Variants in SEPTIN10 observed in about 807,000 individuals in gnomAD.
SEPTIN10 encodes the protein septin-10.
In SEPTIN10, 66 loss-of-function variants were observed where a neutral mutation model predicts 54.8. The observed-to-expected ratio is 1.21, with a 90% CI of 0.99 to 1.48. The LOEUF (loss-of-function observed/expected upper bound fraction) is 1.48. SEPTIN10 is among the 40% of genes most tolerant of loss of function. The probability of loss-of-function intolerance (pLI) is 0.00; values close to 1 mark genes in which losing one functional copy is unlikely to be tolerated. For synonymous variants in SEPTIN10, 161 were observed against 181.0 expected, an observed-to-expected ratio of 0.89 and a Z score of 0.89; for missense variants, 620 against 545.6, an observed-to-expected ratio of 1.14 and a Z score of -1.36.
intron 6 of SEPTIN10, among the ~76,000 whole-genome samples, chr2:109,566,987 A>T (rs1351612193): frequency 6.6e-6 from 1 of 152,230 alleles, no homozygotes; most frequent in Non-Finnish European, 1.5e-5. Flanking sequence ...AACATATAGG[A>T]ATTAAGATCA....
intron 1 of SEPTIN10, 66 bp downstream of exon 1, chr2:109,613,732 G>T: frequency 1.8e-6 from 2 of 1,082,786 alleles, no homozygotes; most frequent in South Asian, 4.6e-5. Flanking sequence ...CCGGTGGGTC[G>T]AGGGCGGGAA....
rs78353540 is a variant in SEPTIN10 at position 109,576,080 on chromosome 2, C to T, written c.414-1313G>A. 7.5e-3 allele frequency among the ~76,000 whole-genome samples: 1,141 copies of T among 152,012 alleles called. 16 individuals are homozygous for T. Among genetic ancestry groups the T allele is most frequent in the Middle Eastern group, 0.02 (6 of 294 alleles). The stretch of plus-strand genomic sequence containing the variant: ...AAGAACAGCCTGGACAACAACACAG[C>T]GAGACCCCCATCTCTACTAAAAAAC... On this transcript the variant is annotated intron_variant, in intron 4 of 10. Coordinates refer to ENST00000397712, the MANE Select transcript of SEPTIN10 (RefSeq NM_144710.5).
At chr2:109,594,293 G>A (rs1252852972) in intron 1 of SEPTIN10, among the ~76,000 whole-genome samples, 1 of 152,018 alleles carries the variant, frequency 6.6e-6, no homozygotes. Context: ...TGCAAATGGT[G>A]TCAATGAGAA....
At position 109,567,860 on chromosome 2, in the gene SEPTIN10, G is replaced by A. The variant is rs770538926; in HGVS notation, c.717C>T (p.Phe239=). The stretch of plus-strand genomic sequence containing the variant: ...TAGCAATAGTGTCATCATCCGTTGG[G>A]AACTGGTATATCTGGACGCCATTGC... ...LVSNGVQIYQ[F]PTDDDTIAKV... Residue 239 remains phenylalanine (F), a synonymous_variant, in exon 6 of 11, where the codon TTC becomes TTT. Transcript: ENST00000397712. The A allele has an allele frequency of 6.2e-7, 1 of 1,613,088 alleles. No homozygotes were observed.
chr2:109,563,644 G>A (rs1686214732), intron 8 of SEPTIN10, among the ~76,000 whole-genome samples: 1 of 152,106 alleles, frequency 6.6e-6, no homozygotes, highest in Non-Finnish European at 1.5e-5. Flanking sequence ...TTATATTACT[G>A]AGCAAGGAAG....
chr2:109,560,967 C>G (rs1274958734), intron 8 of SEPTIN10, among the ~76,000 whole-genome samples: 2 of 152,176 alleles, frequency 1.3e-5, no homozygotes, highest in Admixed American at 6.5e-5. Context: ...ACTGGCCTCT[C>G]CTAAGCATCT....
intron 5 of SEPTIN10, 144 bp downstream of exon 5, chr2:109,574,437 T>C: frequency 2.3e-6 from 1 of 429,868 alleles, no homozygotes; most frequent in Non-Finnish European, 3.4e-6. Context: ...AGAGTGACTT[T>C]ATCTCTAAAA....
At chr2:109,584,275 G>A (rs1691914097) in intron 4 of SEPTIN10, among the ~76,000 whole-genome samples, 2 of 147,300 alleles carry the variant, frequency 1.4e-5, no homozygotes, top group African/African-American at 2.5e-5. Context: ...TCAGGAGGTC[G>A]AGACCAGCCT....
intron 5 of SEPTIN10, among the ~76,000 whole-genome samples, chr2:109,574,277 A>C (rs1689065611): frequency 6.7e-6 from 1 of 149,074 alleles, no homozygotes; most frequent in African/African-American, 2.5e-5. Flanking sequence ...CAACTCCACA[A>C]AAAAAAAAAA....
At chr2:109,594,269 G>C (rs1694776957) in intron 1 of SEPTIN10, among the ~76,000 whole-genome samples, 1 of 118,060 alleles carries the variant, frequency 8.5e-6, no homozygotes, top group Admixed American at 9.1e-5. Context: ...ATATGAATGT[G>C]GTAAAAAAAA....
chr2:109,613,718 G>A (rs1699820606), intron 1 of SEPTIN10, 80 bp downstream of exon 1: 3 of 958,746 alleles, frequency 3.1e-6, no homozygotes, highest in Non-Finnish European at 4.0e-6. Flanking sequence ...GCCGGACCAG[G>A]GGGCCGGTGG....
chr2:109,565,901 T>C (rs746467047), intron 6 of SEPTIN10, 42 bp from the exon 7 acceptor site: 15 of 1,467,156 alleles, frequency 1.0e-5, no homozygotes, highest in Admixed American at 3.4e-5. Flanking sequence ...ACCACTGTGA[T>C]AACTGACTAG....
intron 8 of SEPTIN10, among the ~76,000 whole-genome samples, chr2:109,556,653 G>A (rs1243495159): frequency 6.6e-6 from 1 of 151,614 alleles, no homozygotes; most frequent in Non-Finnish European, 1.5e-5. Flanking sequence ...TTTTTCTGTT[G>A]TGATCTTTTT....
At chr2:109,612,159 G>A (rs893356571) in intron 1 of SEPTIN10, among the ~76,000 whole-genome samples, 2 of 151,720 alleles carry the variant, frequency 1.3e-5, no homozygotes, top group African/African-American at 2.4e-5. Context: ...CAACAACCTG[G>A]ATGAATCTCC....
In SEPTIN10 at chr2:109,613,842, G is replaced by A; in HGVS notation, c.-15C>T. 3.2e-6 allele frequency: 4 copies of A among 1,236,640 alleles called. No homozygotes were observed. Among genetic ancestry groups the A allele is most frequent in the Non-Finnish European group, 4.0e-6 (4 of 991,518 alleles). 76.6% of individuals were successfully genotyped at this position (1,236,640 alleles called of 1,614,324 possible). ...GAGGAGGCCATGGTCGCGGGCAGGG[G>A]CACGGTGAAGCGGCTGTATCAGCCC... On this transcript the variant is annotated 5_prime_UTR_variant, in exon 1 of 11. Transcript: ENST00000397712.
rs542266523 is a variant in SEPTIN10, at chr2:109,576,077, C to T, written c.414-1310G>A. 2.6e-5 allele frequency among the ~76,000 whole-genome samples: 4 copies of T among 152,092 alleles called. No homozygotes were observed. In the South Asian group the frequency reaches 8.3e-4, roughly 32 times the overall value. Reference sequence around the variant, plus strand: ...TTCAAGAACAGCCTGGACAACAACACAGCGAGACCCCCATCTCTACTAAAA... The same window carrying T: ...TTCAAGAACAGCCTGGACAACAACATAGCGAGACCCCCATCTCTACTAAAA... On this transcript the variant is annotated intron_variant, in intron 4 of 10. Coordinates refer to ENST00000397712, the MANE Select transcript of SEPTIN10 (RefSeq NM_144710.5).
chr2:109,567,971 G>C lies in SEPTIN10; in HGVS notation c.606C>G (p.Asn202Lys). Residue 202 changes from asparagine (N) to lysine (K), a missense_variant, in exon 6 of 11, where the codon AAC becomes AAG. By Grantham distance (94) the Asn-to-Lys change is moderately conservative (BLOSUM62 0). Coordinates refer to ENST00000397712, the MANE Select transcript of SEPTIN10 (RefSeq NM_144710.5). The part of the protein sequence containing the change: ...LTMKNLDSKV[N>K]IIPVIAKADT... ...CTGCTTTGGCAATCACTGGTATAAT[G>C]TTTACCTATTAAGAATAAAGAAAAA... 1 of 1,589,788 alleles carries C rather than the reference G, an allele frequency of 6.3e-7. No homozygotes were observed. The highest frequency in any genetic ancestry group is 8.5e-7 in the Non-Finnish European group (1 of 1,170,786).
chr2:109,575,565 A>G (rs953665448), intron 4 of SEPTIN10, among the ~76,000 whole-genome samples: 2 of 152,386 alleles, frequency 1.3e-5, no homozygotes, highest in South Asian at 2.1e-4. Context: ...GCATGTGCAG[A>G]GCAGTGTGCT....
chr2:109,613,168 T>C (rs750822952), intron 1 of SEPTIN10: 45 of 1,288,790 alleles, frequency 3.5e-5, no homozygotes, highest in African/African-American at 2.1e-4. Flanking sequence ...ACGAAAATAG[T>C]TGTAACCACA....
Sources: allele counts gnomAD v4.1 joint callset (sites outside exome capture counted in the v4.1 genomes callset), GRCh38; gene constraint gnomAD v4.1.1; transcripts MANE v1.5; gene names NCBI Gene and HGNC (gene_info 2026-07-23, HGNC 2026-07-21).